BRINP1: variants seen among roughly 807,000 people sequenced by gnomAD.
BRINP1 encodes the protein BMP/retinoic acid-inducible neural-specific protein 1.
In BRINP1, 17 loss-of-function variants were observed where a neutral mutation model predicts 72.9. The observed-to-expected ratio is 0.23, with a 90% CI of 0.16 to 0.35. The LOEUF (loss-of-function observed/expected upper bound fraction) is 0.35, where lower values mean the gene tolerates loss of function less well. Ranked by LOEUF, BRINP1 falls within the 10% of genes least tolerant of loss-of-function variation. The pLI is 1.00. For synonymous variants in BRINP1, 418 were observed against 378.5 expected (o/e 1.10, Z -1.21); for missense variants, 850 against 1,001.6 (o/e 0.85, Z 2.04).
intron 7 of BRINP1, among the ~76,000 whole-genome samples, chr9:119,181,936 A>C (rs1829562562): frequency 6.6e-6 from 1 of 152,234 alleles, no homozygotes; most frequent in South Asian, 2.1e-4. Context: ...TGAGGCTCAG[A>C]TAAGATGATG....
intron 2 of BRINP1, among the ~76,000 whole-genome samples, chr9:119,255,709 T>C (rs1830439006): frequency 6.6e-6 from 1 of 151,856 alleles, no homozygotes; most frequent in African/African-American, 2.4e-5. Flanking sequence ...ATCCCAGTAC[T>C]TTGGGAGGTC....
chr9:119,317,263 T>A (rs1831134480), intron 1 of BRINP1, among the ~76,000 whole-genome samples: 1 of 152,004 alleles, frequency 6.6e-6, no homozygotes, highest in Non-Finnish European at 1.5e-5. Context: ...AGTCAAAATA[T>A]CAACGGTAAC....
chr9:119,245,542 G>T (rs1030303288), intron 3 of BRINP1, among the ~76,000 whole-genome samples: 1 of 152,078 alleles, frequency 6.6e-6, no homozygotes, highest in South Asian at 2.1e-4. Flanking sequence ...CCCCTTCATA[G>T]GAGTATTCAC....
At chr9:119,321,150 C>T (rs975765135) in intron 1 of BRINP1, among the ~76,000 whole-genome samples, 4 of 152,176 alleles carry the variant, frequency 2.6e-5, no homozygotes, top group Non-Finnish European at 2.9e-5. Context: ...CCAAGATGGT[C>T]TCGATCTCCA....
rs1047133622 is a variant in BRINP1, at chr9:119,167,025, C to A, written c.*59G>T. On this transcript the variant is annotated 3_prime_UTR_variant, in exon 8 of 8. Transcript: ENST00000265922. This position sits in a 1 kb window ranked among gnomAD's most constrained non-coding sequence, Gnocchi z 4.3. ...TGGGTTTTTTTGTTTTGTTTTGCTT[C>A]ATTTTGTTCTGTTGTGTGTGTACAA... is the stretch of plus-strand genomic sequence containing the variant. The A allele has an allele frequency of 5.3e-5, 78 of 1,469,318 alleles. No homozygotes were observed. In the African/African-American group the frequency reaches 9.7e-4, roughly 18 times the overall value. 91.0% of individuals were successfully genotyped at this position (1,469,318 alleles called of 1,614,324 possible).
intron 2 of BRINP1, among the ~76,000 whole-genome samples, chr9:119,275,654 C>T (rs1409182957): frequency 6.6e-6 from 1 of 152,200 alleles, no homozygotes; most frequent in East Asian, 1.9e-4. Context: ...AGCTCTCCTA[C>T]AACCTCAAAA....
chr9:119,256,949 T>C (rs1830452905), intron 2 of BRINP1, among the ~76,000 whole-genome samples: 2 of 152,108 alleles, frequency 1.3e-5, no homozygotes, highest in African/African-American at 4.8e-5. Flanking sequence ...AACATACACA[T>C]CTTATAGGCC....
At chr9:119,243,564 TACTC>T (rs1343506897) in intron 3 of BRINP1, among the ~76,000 whole-genome samples, 1 of 152,202 alleles carries the variant, frequency 6.6e-6, no homozygotes, top group Non-Finnish European at 1.5e-5. Context: ...TTTTGATACA[TACTC>T]AGTAATGGGA....
chr9:119,169,332 A>G (rs1276779559), intron 7 of BRINP1, among the ~76,000 whole-genome samples: 1 of 152,246 alleles, frequency 6.6e-6, no homozygotes, highest in African/African-American at 2.4e-5. Flanking sequence ...GCAAGGGGTC[A>G]GGGAGTTCCC....
At chr9:119,222,004 C>T (rs1830045723) in intron 5 of BRINP1, among the ~76,000 whole-genome samples, 1 of 152,152 alleles carries the variant, frequency 6.6e-6, no homozygotes, top group Non-Finnish European at 1.5e-5. Flanking sequence ...GAGATAACTA[C>T]ACATCCCCAC....
At chr9:119,289,171 C>A in intron 2 of BRINP1, among the ~76,000 whole-genome samples, 1 of 152,196 alleles carries the variant, frequency 6.6e-6, no homozygotes, top group Non-Finnish European at 1.5e-5. Context: ...GGAGAAAGAG[C>A]ATTCTAAAGC....
rs537753330 is a variant in BRINP1, at chr9:119,238,790, G to C, written c.580-30C>G. The C allele has an allele frequency of 5.6e-6, 8 of 1,434,888 alleles. No individual in the cohort carries two copies. In the African/African-American group the frequency reaches 1.1e-4, roughly 20 times the overall value. The allele number at this position is 1,434,888 out of a possible 1,614,324, so 88.9% of individuals were successfully genotyped here. ...AGTAGATATCAAATAAGATAGGTGT[G>C]AGACAGCAGTCCTTGTCTAGGACAT... On this transcript the variant is annotated intron_variant, in intron 4 of 7. Transcript: ENST00000265922.
intron 7 of BRINP1, among the ~76,000 whole-genome samples, chr9:119,187,888 T>C (rs1462524996): frequency 6.6e-6 from 1 of 152,028 alleles, no homozygotes; most frequent in Non-Finnish European, 1.5e-5. Context: ...AAGAGAAATC[T>C]TAAAGCTGAA....
At chr9:119,298,844 C>A (rs748152620) in intron 2 of BRINP1, among the ~76,000 whole-genome samples, 1 of 152,156 alleles carries the variant, frequency 6.6e-6, no homozygotes, top group Non-Finnish European at 1.5e-5. Flanking sequence ...CCTTTACATA[C>A]TATTACCTGC....
intron 2 of BRINP1, among the ~76,000 whole-genome samples, chr9:119,256,573 T>C (rs1830450398): frequency 6.6e-6 from 1 of 152,256 alleles, no homozygotes; most frequent in South Asian, 2.1e-4. Context: ...AACTTCTTTA[T>C]ACAGTGCAAC....
At chr9:119,171,467 C>A (rs898568146) in intron 7 of BRINP1, among the ~76,000 whole-genome samples, 2 of 150,272 alleles carry the variant, frequency 1.3e-5, no homozygotes, top group African/African-American at 4.9e-5. Flanking sequence ...TACAGGAGCA[C>A]CCAGATTCAT....
At chr9:119,248,458 G>A (rs1830345530) in intron 3 of BRINP1, among the ~76,000 whole-genome samples, 1 of 152,164 alleles carries the variant, frequency 6.6e-6, no homozygotes, top group African/African-American at 2.4e-5. Flanking sequence ...GGCCCTGATG[G>A]GGAGGGATGG....
At chr9:119,185,217 C>CAAAT (rs1829604054) in intron 7 of BRINP1, among the ~76,000 whole-genome samples, 1 of 152,252 alleles carries the variant, frequency 6.6e-6, no homozygotes, top group East Asian at 1.9e-4. Flanking sequence ...TACCCCTCTC[C>CAAAT]AAATAATAGA....
intron 2 of BRINP1, among the ~76,000 whole-genome samples, chr9:119,287,060 GAA>G (rs59653231): frequency 4.3e-4 from 50 of 115,198 alleles, no homozygotes; most frequent in African/African-American, 1.3e-3. Flanking sequence ...TAGAAGGAAA[GAA>G]AAAAAAAAAA....
Sources: gnomAD v4.1 joint callset for allele counts (sites outside exome capture counted in the v4.1 genomes callset) on GRCh38, gnomAD v4.1.1 for gene constraint, Gnocchi (gnomAD v3.1) non-coding constraint, MANE v1.5 for transcripts, NCBI Gene and HGNC (gene_info 2026-07-23, HGNC 2026-07-21) for gene names.